Variants in CERT1 observed in about 807,000 individuals in gnomAD.
CERT1 encodes ceramide transporter 1, also known as ceramide transfer protein.
A neutral mutation model predicts 87.9 loss-of-function variants in CERT1; 31 were observed. That is an observed-to-expected ratio of 0.35 (90% confidence interval 0.27 to 0.48). The LOEUF (loss-of-function observed/expected upper bound fraction) is 0.48, where lower values mean the gene tolerates loss of function less well. Among genes scored for constraint, CERT1 ranks in the 20% least tolerant of loss-of-function variants. CERT1 has a pLI of 0.99. For synonymous variants in CERT1, 289 were observed against 250.9 expected, an observed-to-expected ratio of 1.15 and a Z score of -1.44; for missense variants, 487 against 758.0, an observed-to-expected ratio of 0.64 and a Z score of 4.20.
At chr5:75,461,525 C>A (rs187181584) in intron 2 of CERT1, among the ~76,000 whole-genome samples, 15 of 152,112 alleles carry the variant, frequency 9.9e-5, no homozygotes, top group Admixed American at 9.8e-4. Context: ...TGTAAGTAGC[C>A]CAGGAGTTTT....
intron 1 of CERT1, among the ~76,000 whole-genome samples, chr5:75,507,547 G>T (rs530225204): frequency 6.6e-6 from 1 of 152,010 alleles, no homozygotes; most frequent in African/African-American, 2.4e-5. Flanking sequence ...ACTTAGACAC[G>T]GGCTTGAAAT....
chr5:75,409,615 C>T (rs1192398231), intron 8 of CERT1, among the ~76,000 whole-genome samples: 3 of 152,128 alleles, frequency 2.0e-5, no homozygotes, highest in African/African-American at 7.2e-5. Context: ...CAACCTCTGC[C>T]TCCCGGGTTC....
rs144101568 is a variant in CERT1 at position 75,470,886 on chromosome 5, G to A, written c.232-11705C>T. On this transcript the variant is annotated intron_variant, in intron 2 of 16. Transcript: ENST00000643780. ...CAGAACTAATAAATGAATTCAGTAAGCTTGCAGGGAACAAAATCAACATAA... is the reference window on the plus strand; with the variant it reads ...CAGAACTAATAAATGAATTCAGTAAACTTGCAGGGAACAAAATCAACATAA... Among the ~76,000 whole-genome samples, 314 of 152,158 alleles carry A rather than the reference G, an allele frequency of 2.1e-3. No individual in the cohort carries two copies. In the East Asian group the frequency reaches 0.027, roughly 13 times the overall value.
intron 2 of CERT1, among the ~76,000 whole-genome samples, chr5:75,485,949 C>A (rs1766503846): frequency 1.3e-5 from 2 of 152,062 alleles, no homozygotes; most frequent in African/African-American, 4.8e-5. Context: ...CTAAACCAAT[C>A]CTACTCAAAC....
chr5:75,458,137 G>A (rs555441109), intron 3 of CERT1, among the ~76,000 whole-genome samples: 2 of 152,036 alleles, frequency 1.3e-5, no homozygotes, highest in African/African-American at 4.8e-5. Flanking sequence ...GATTTAGAAC[G>A]TTCTCTGTTT....
chr5:75,417,719 TAAATC>T (rs1238206582), intron 6 of CERT1, among the ~76,000 whole-genome samples: 1 of 152,204 alleles, frequency 6.6e-6, no homozygotes, highest in African/African-American at 2.4e-5. Flanking sequence ...TTGTGAAACT[TAAATC>T]AAAATGTAAA....
intron 2 of CERT1, among the ~76,000 whole-genome samples, chr5:75,483,317 C>T (rs1391423324): frequency 6.6e-6 from 1 of 151,954 alleles, no homozygotes; most frequent in African/African-American, 2.4e-5. Flanking sequence ...TGAAGACAGG[C>T]TATTTGAAAA....
chr5:75,501,207 G>C (rs1348722637), intron 2 of CERT1, among the ~76,000 whole-genome samples: 1 of 151,970 alleles, frequency 6.6e-6, no homozygotes, highest in Non-Finnish European at 1.5e-5. Context: ...ATTTTTCCAA[G>C]ATCTTTCAAC....
At chr5:75,439,239 G>C (rs1447579424) in intron 3 of CERT1, among the ~76,000 whole-genome samples, 1 of 151,002 alleles carries the variant, frequency 6.6e-6, no homozygotes. Context: ...CTCTCTTAAA[G>C]TTGCAGCTAA....
chr5:75,450,310 C>A (rs1001029281), intron 3 of CERT1, among the ~76,000 whole-genome samples: 1 of 152,072 alleles, frequency 6.6e-6, no homozygotes, highest in Non-Finnish European at 1.5e-5. Context: ...AGTTCAGGCA[C>A]GGGGCTGACC....
At chr5:75,439,663 A>T (rs1479316344) in intron 3 of CERT1, among the ~76,000 whole-genome samples, 1 of 152,086 alleles carries the variant, frequency 6.6e-6, no homozygotes, top group Non-Finnish European at 1.5e-5. Context: ...TAATAAAATC[A>T]AACAAGCTGA....
chr5:75,388,355 A>G (rs961617544), intron 12 of CERT1, among the ~76,000 whole-genome samples: 1 of 152,034 alleles, frequency 6.6e-6, no homozygotes, highest in Non-Finnish European at 1.5e-5. Context: ...TATGCAAAAA[A>G]TCCTGACTAA....
At chr5:75,373,810 C>G, downstream of CERT1, 1 of 314,826 alleles carries the variant, frequency 3.2e-6, no homozygotes, top group South Asian at 1.6e-4. Context: ...GTGCACAAAA[C>G]CTGATACAAC....
intron 1 of CERT1, 44 bp from the exon 2 acceptor site, chr5:75,506,160 T>TA (rs1298541991): frequency 6.3e-7 from 1 of 1,584,208 alleles, no homozygotes; most frequent in Non-Finnish European, 8.6e-7. Context: ...AAACAAAAAA[T>TA]AGAAGTATTT....
At chr5:75,477,359 C>T (rs1766002230) in intron 2 of CERT1, among the ~76,000 whole-genome samples, 1 of 152,044 alleles carries the variant, frequency 6.6e-6, no homozygotes, top group South Asian at 2.1e-4. Flanking sequence ...CTGTATGTAA[C>T]ACAGTAATAG....
At chr5:75,491,559 C>A (rs1360947267) in intron 2 of CERT1, among the ~76,000 whole-genome samples, 1 of 152,146 alleles carries the variant, frequency 6.6e-6, no homozygotes, top group East Asian at 1.9e-4. Context: ...TTCCAGCTCT[C>A]CCTCACTAGT....
At chr5:75,459,659 A>G (rs979001924) in intron 2 of CERT1, among the ~76,000 whole-genome samples, 3 of 151,924 alleles carry the variant, frequency 2.0e-5, no homozygotes, top group Non-Finnish European at 4.4e-5. Flanking sequence ...AATTTTTAAA[A>G]TTTTTTAAAA....
chr5:75,410,110 T>C (rs1304256294), intron 8 of CERT1, among the ~76,000 whole-genome samples: 1 of 152,192 alleles, frequency 6.6e-6, no homozygotes, highest in African/African-American at 2.4e-5. Context: ...AGCCTCAACA[T>C]TGTTTAATGG....
At chr5:75,438,111 CATTAT>C (rs1185877939) in intron 3 of CERT1, among the ~76,000 whole-genome samples, 1 of 152,006 alleles carries the variant, frequency 6.6e-6, no homozygotes, top group East Asian at 1.9e-4. Context: ...AGAAAAGACT[CATTAT>C]ATTAAAGGAA....
Sources: allele counts gnomAD v4.1 joint callset (sites outside exome capture counted in the v4.1 genomes callset), GRCh38; gene constraint gnomAD v4.1.1; transcripts MANE v1.5; gene names NCBI Gene and HGNC (gene_info 2026-07-23, HGNC 2026-07-21).